FHDC1: variants seen among roughly 807,000 people sequenced by gnomAD.
FHDC1 encodes the protein FH2 domain-containing protein 1.
In FHDC1, 25 loss-of-function variants were observed where a neutral mutation model predicts 52.6. The ratio of observed to expected loss-of-function variants is 0.48; its 90% CI spans 0.35 to 0.66. FHDC1 has a LOEUF of 0.66. Among genes scored for constraint, FHDC1 ranks in the 30% least tolerant of loss-of-function variants. The pLI is 0.01. For missense variants in FHDC1, 1,459 were observed against 1,452.8 expected, an observed-to-expected ratio of 1.00 and a Z score of -0.07; for synonymous variants, 616 against 581.5, an observed-to-expected ratio of 1.06 and a Z score of -0.85.
chr4:152,929,673 TTAA>T, the FHDC1 span, among the ~76,000 whole-genome samples: 2 of 152,166 alleles, frequency 1.3e-5, no homozygotes, highest in African/African-American at 4.8e-5. The surrounding 1 kb of genome is among the most constrained non-coding windows in gnomAD (Gnocchi z 4.1). Flanking sequence ...TGAGGTAGGA[TTAA>T]TTTCTCTGCC....
At chr4:152,970,121 C>T (rs1740599021) in intron 10 of FHDC1, among the ~76,000 whole-genome samples, 1 of 152,200 alleles carries the variant, frequency 6.6e-6, no homozygotes, top group African/African-American at 2.4e-5. Context: ...TGGACTCAAA[C>T]TCTATGCCAT....
intron 1 of FHDC1, among the ~76,000 whole-genome samples, chr4:152,940,269 G>C (rs961133043): frequency 6.6e-6 from 1 of 152,200 alleles, no homozygotes; most frequent in Admixed American, 6.5e-5. Context: ...GAAGCCGTTG[G>C]GGGGCTAGGA....
At chr4:152,942,475 C>CT (rs34647413) in intron 1 of FHDC1, among the ~76,000 whole-genome samples, 2 of 152,196 alleles carry the variant, frequency 1.3e-5, no homozygotes, top group East Asian at 3.9e-4. Flanking sequence ...TGCAAGATGC[C>CT]TTTTTTGACC....
the FHDC1 span, among the ~76,000 whole-genome samples, chr4:152,915,541 G>A: frequency 6.6e-6 from 1 of 152,222 alleles, no homozygotes; most frequent in Non-Finnish European, 1.5e-5. Flanking sequence ...CAAAGAGGCA[G>A]TACACTTATA....
Position 152,975,396 on chromosome 4 carries a change from G to A in FHDC1, c.2105G>A (p.Ser702Asn). ...TCCCAGCTGACTCTGAGTGACTTCAGCCCGATGGAGCTAGAGTCTGTGGGG... is the reference window on the plus strand; with the variant it reads ...TCCCAGCTGACTCTGAGTGACTTCAACCCGATGGAGCTAGAGTCTGTGGGG... ...ETSQLTLSDFSPMELESVGHR... is the reference protein window; with the variant it reads ...ETSQLTLSDFNPMELESVGHR... Residue 702 changes from serine (S) to asparagine (N), a missense_variant, in exon 12 of 12, where the codon AGC (serine) becomes AAC (asparagine). Physicochemically the swap from Ser to Asn is conservative, Grantham distance 46. This residue lies in a region of FHDC1 where 939 missense variants were observed against 854.5 expected (regional missense o/e 1.10). Transcript: ENST00000511601. 6.2e-7 allele frequency: 1 copy of A among 1,613,666 alleles called. No individual in the cohort carries two copies. Among genetic ancestry groups the A allele is most frequent in the Non-Finnish European group, 8.5e-7 (1 of 1,180,036 alleles).
intron 9 of FHDC1, 45 bp from the exon 10 acceptor site, chr4:152,967,935 T>TG (rs1219709722): frequency 6.9e-7 from 1 of 1,440,724 alleles, no homozygotes; most frequent in Non-Finnish European, 9.7e-7. Context: ...ACATGACACA[T>TG]GGCTTCCTTG....
chr4:152,937,863 G>C (rs964389369), intron 1 of FHDC1, among the ~76,000 whole-genome samples: 30 of 152,178 alleles, frequency 2.0e-4, no homozygotes, highest in African/African-American at 7.2e-4. Context: ...CCAGCCGGTG[G>C]CGGCTGAGCC....
At position 152,954,427 on chromosome 4, in the gene FHDC1, C is replaced by T. The variant is rs1242474061; in HGVS notation, c.663+108C>T. 15 of 807,522 alleles carry T rather than the reference C, an allele frequency of 1.9e-5. No individual in the cohort carries two copies. The Admixed American group carries it at 3.4e-4, about 18-fold the overall frequency. 50.0% of individuals were successfully genotyped at this position (807,522 alleles called of 1,614,324 possible). A position where few individuals can be genotyped will look rare whatever the true frequency, so the allele number is the denominator to read the frequency against. On this transcript the variant is annotated intron_variant, in intron 4 of 11. Transcript: ENST00000511601. ...GAAGGCCAGGAGCAGTGGCTCACAC[C>T]TGTAATCCCAGCACTTTGGGAGGCA...
At chr4:152,954,000 C>T (rs1740003846) in intron 3 of FHDC1, among the ~76,000 whole-genome samples, 1 of 152,160 alleles carries the variant, frequency 6.6e-6, no homozygotes, top group African/African-American at 2.4e-5. Flanking sequence ...TTGGGATGCC[C>T]AAGGATGGTG....
rs1352622279 is a variant in FHDC1 at position 152,948,575 on chromosome 4, C to T, written c.499-4924C>T. 2.0e-5 allele frequency among the ~76,000 whole-genome samples: 3 copies of T among 152,162 alleles called. No homozygotes were observed. The East Asian group carries it at 5.8e-4, about 29-fold the overall frequency. ...TCAAGCAGTTCTTCTGTCTCAGCCTCCTGAGTAGCTGGGACTACATGCACA... is the reference window on the plus strand; with the variant it reads ...TCAAGCAGTTCTTCTGTCTCAGCCTTCTGAGTAGCTGGGACTACATGCACA... On this transcript the variant is annotated intron_variant, in intron 2 of 11. Coordinates refer to ENST00000511601, the MANE Select transcript of FHDC1 (RefSeq NM_001371116.1).
Position 152,976,348 on chromosome 4 carries a change from C to A in FHDC1, c.3057C>A (p.Thr1019=). Residue 1019 remains threonine (T), a synonymous_variant, in exon 12 of 12, where the codon ACC becomes ACA. Coordinates refer to ENST00000511601, the MANE Select transcript of FHDC1 (RefSeq NM_001371116.1). The stretch of plus-strand genomic sequence containing the variant: ...AGAGTCCCAAAGAAGAGCCCAAGAC[C>A]CCGTCAGTGCCCAGCGTCCCCCACG... ...GPESPKEEPK[T]PSVPSVPHEL... The A allele has an allele frequency of 6.2e-7, 1 of 1,613,792 alleles. No individual in the cohort carries two copies. The highest frequency in any genetic ancestry group is 2.2e-5 in the East Asian group (1 of 44,870).
At chr4:152,930,998 C>CTT in the FHDC1 span, among the ~76,000 whole-genome samples, 1 of 90,936 alleles carries the variant, frequency 1.1e-5, no homozygotes, top group South Asian at 3.2e-4. Context: ...CACACACACA[C>CTT]TCTCTCTCTC....
At chr4:152,912,442 G>A in the FHDC1 span, 1 of 152,010 alleles carries the variant, frequency 6.6e-6, no homozygotes, top group South Asian at 2.1e-4. Flanking sequence ...TTACATCTTT[G>A]CACTTTTACT....
chr4:152,939,015 G>A (rs1344225844), intron 1 of FHDC1, among the ~76,000 whole-genome samples: 1 of 152,212 alleles, frequency 6.6e-6, no homozygotes, highest in Admixed American at 6.5e-5. Flanking sequence ...AATACACTGT[G>A]AGATGAAGCC....
chr4:152,956,027 T>A (rs1740074176), intron 4 of FHDC1, among the ~76,000 whole-genome samples: 2 of 152,206 alleles, frequency 1.3e-5, no homozygotes, highest in South Asian at 4.1e-4. Context: ...GTTATTAATG[T>A]TAGTAGTAGA....
chr4:152,926,499 G>GA, the FHDC1 span, among the ~76,000 whole-genome samples: 19 of 143,674 alleles, frequency 1.3e-4, no homozygotes, highest in Non-Finnish European at 2.4e-4. Flanking sequence ...CTGATGTGAT[G>GA]AAAAAAAAAG....
At chr4:152,947,413 ATCT>A (rs774766448) in intron 2 of FHDC1, among the ~76,000 whole-genome samples, 1 of 152,210 alleles carries the variant, frequency 6.6e-6, no homozygotes, top group Non-Finnish European at 1.5e-5. Context: ...GCTCAAACTC[ATCT>A]TCTTCTCAGA....
rs1446980713 is a variant in FHDC1, at chr4:152,963,135, G to A, written c.1029+5G>A. ...CTCCTGCACTTTGTTGCACAGGTATGTGGAAATGATTAGGACTTAGAGAAC... is the reference window on the plus strand; with the variant it reads ...CTCCTGCACTTTGTTGCACAGGTATATGGAAATGATTAGGACTTAGAGAAC... On this transcript the variant is annotated splice_donor_5th_base_variant and intron_variant, in intron 8 of 11. Coordinates refer to ENST00000511601, the MANE Select transcript of FHDC1 (RefSeq NM_001371116.1). The A allele has an allele frequency of 6.2e-7, 1 of 1,612,966 alleles. No homozygotes were observed. The highest frequency in any genetic ancestry group is 1.1e-5 in the South Asian group (1 of 91,058).
chr4:152,951,586 G>A (rs1035324200), intron 2 of FHDC1, among the ~76,000 whole-genome samples: 4 of 152,040 alleles, frequency 2.6e-5, no homozygotes, highest in Admixed American at 1.3e-4. Flanking sequence ...GCCAGGAAGT[G>A]ACATTAACGT....
Sources: gnomAD v4.1 joint callset for allele counts (sites outside exome capture counted in the v4.1 genomes callset) on GRCh38, gnomAD v4.1.1 for gene constraint, gnomAD v4.1.1 regional missense constraint, Gnocchi (gnomAD v3.1) non-coding constraint, MANE v1.5 for transcripts, NCBI Gene and HGNC (gene_info 2026-07-23, HGNC 2026-07-21) for gene names.